Variants in ZNF676 observed in about 807,000 individuals in gnomAD.
ZNF676 encodes the protein zinc finger protein 676.
Under a neutral mutation model 6.0 loss-of-function variants are expected in ZNF676, and 4 were observed. The ratio of observed to expected loss-of-function variants is 0.67; its 90% CI spans 0.33 to 1.53. The LOEUF (loss-of-function observed/expected upper bound fraction) is 1.53, where lower values mean the gene tolerates loss of function less well. Among genes scored for constraint, ZNF676 ranks in the 40% most tolerant of loss-of-function variants. The pLI, the probability that ZNF676 is intolerant of heterozygous loss-of-function variation, is 0.06. For synonymous variants in ZNF676, 198 were observed against 223.1 expected (o/e 0.89, Z 1.00); for missense variants, 644 against 679.7 (o/e 0.95, Z 0.58).
At chr19:22,197,998 T>C (rs113695641), upstream of ZNF676, among the ~76,000 whole-genome samples, 810 of 152,308 alleles carry the variant, frequency 5.3e-3, 5 homozygotes, top group African/African-American at 0.018. Flanking sequence ...TTAGTAGTGA[T>C]TTTAAATAGT....
rs1365476506 is a variant in ZNF676 at position 22,180,635 on chromosome 19, C to A, written c.1082G>T (p.Gly361Val). ...ILTKHKIIHTGEKPYKCEGCG... is the reference protein window; with the variant it reads ...ILTKHKIIHTVEKPYKCEGCG... ...TCCTTCACATTTGTAGGGTTTCTCT[C>A]CAGTATGAATAATCTTATGTTTAGT... is the stretch of plus-strand genomic sequence containing the variant. The change falls in exon 3 of 3, where the codon GGA becomes GTA. Residue 361 changes from glycine to valine, a missense_variant. Coordinates refer to ENST00000397121, the MANE Select transcript of ZNF676 (RefSeq NM_001001411.3). 1.2e-6 allele frequency: 2 copies of A among 1,612,502 alleles called. No homozygotes were observed. The highest frequency in any genetic ancestry group is 1.7e-6 in the Non-Finnish European group (2 of 1,179,482).
chr19:22,226,603 T>TC, the ZNF676 span, among the ~76,000 whole-genome samples: 641 of 151,212 alleles, frequency 4.2e-3, 4 homozygotes, highest in African/African-American at 0.015. Flanking sequence ...TCTTGCTTTT[T>TC]TTTTTTCCTT....
chr19:22,179,768 C>A lies in ZNF676; in HGVS notation c.*182G>T. On this transcript the variant is annotated 3_prime_UTR_variant, in exon 3 of 3. Transcript: ENST00000397121. ...TTTGAGGACCGGTTGAAGCCTTTGTCACATTCTTCACGTTTGTAGTGTTTC... is the reference window on the plus strand; with the variant it reads ...TTTGAGGACCGGTTGAAGCCTTTGTAACATTCTTCACGTTTGTAGTGTTTC... 1.2e-6 allele frequency: 1 copy of A among 822,898 alleles called. No individual in the cohort carries two copies. The highest frequency in any genetic ancestry group is 1.5e-5 in the South Asian group (1 of 67,856). The allele number at this position is 822,898 out of a possible 1,614,324, so 51.0% of individuals were successfully genotyped here.
chr19:22,255,860 CAAA>C, the ZNF676 span, among the ~76,000 whole-genome samples: 4 of 107,478 alleles, frequency 3.7e-5, no homozygotes, highest in Non-Finnish European at 2.1e-5. Context: ...GACTCCATCT[CAAA>C]AAAAAAAAAA....
chr19:22,236,463 A>G, the ZNF676 span, among the ~76,000 whole-genome samples: 389 of 152,250 alleles, frequency 2.6e-3, no homozygotes, highest in African/African-American at 9.1e-3. Context: ...CCAGTGTTTA[A>G]TAGTCCCCAA....
Position 22,189,711 on chromosome 19 carries a change from G to T in ZNF676, c.130+3305C>A, listed in dbSNP as rs530802388. 7.2e-5 allele frequency among the ~76,000 whole-genome samples: 11 copies of T among 152,148 alleles called. No individual in the cohort carries two copies. The South Asian group carries it at 2.3e-3, about 32-fold the overall frequency. ...ACAACCCCATCAAAAATTGGGCAAA[G>T]GATATGAACAGACACTTCTCAAAAG... On this transcript the variant is annotated intron_variant, in intron 2 of 2. Transcript: ENST00000397121.
intron 1 of ZNF676, among the ~76,000 whole-genome samples, chr19:22,205,415 A>T (rs147364962): frequency 2.1e-4 from 32 of 152,260 alleles, no homozygotes; most frequent in African/African-American, 7.0e-4. Flanking sequence ...GAAAAAAAAC[A>T]ATTCTCAGCA....
the ZNF676 span, among the ~76,000 whole-genome samples, chr19:22,223,622 T>C: frequency 6.6e-6 from 1 of 152,004 alleles, no homozygotes; most frequent in South Asian, 2.1e-4. Flanking sequence ...TTTAGGATAA[T>C]ATGTTAGAAT....
intron 1 of ZNF676, among the ~76,000 whole-genome samples, chr19:22,208,075 C>T (rs1237522185): frequency 6.7e-6 from 1 of 149,540 alleles, no homozygotes; most frequent in Non-Finnish European, 1.5e-5. Context: ...ATATCAAAAG[C>T]AATTGCAAAA....
Position 22,180,700 on chromosome 19 carries a change from A to G in ZNF676, c.1017T>C (p.Cys339=). ...GATTAAAAGCTTTCCCGCATTCTTC[A>G]CATTTGTAGGGTTTCTCTCCAGCAT... ...RIHAGEKPYK[C]EECGKAFNRS... Residue 339 remains cysteine (C), a synonymous_variant, in exon 3 of 3, where the codon TGT becomes TGC. Coordinates refer to ENST00000397121, the MANE Select transcript of ZNF676 (RefSeq NM_001001411.3). The G allele has an allele frequency of 6.2e-7, 1 of 1,611,682 alleles. No homozygotes were observed. Among genetic ancestry groups the G allele is most frequent in the Non-Finnish European group, 8.5e-7 (1 of 1,179,204 alleles).
intron 1 of ZNF676, among the ~76,000 whole-genome samples, chr19:22,207,321 C>T (rs1353209478): frequency 1.3e-5 from 2 of 152,146 alleles, no homozygotes; most frequent in South Asian, 2.1e-4. Context: ...AAATCCGAAT[C>T]GAAAACACAA....
At position 22,181,164 on chromosome 19, in the gene ZNF676, T is replaced by G; in HGVS notation, c.553A>C (p.Thr185Pro). The G allele has an allele frequency of 6.2e-7, 1 of 1,614,014 alleles. No homozygotes were observed. The highest frequency in any genetic ancestry group is 8.5e-7 in the Non-Finnish European group (1 of 1,179,956). ...CCAGTATGAATACTCTTATAATAAG[T>G]AAGGGTTGAGGACCAGTTAAAAGCT... ...GKAFNWSSTLTYYKSIHTGEK... is the reference protein window; with the variant it reads ...GKAFNWSSTLPYYKSIHTGEK... Residue 185 changes from threonine (T) to proline (P), a missense_variant, in exon 3 of 3, where the codon ACT (threonine) becomes CCT (proline). Coordinates refer to ENST00000397121, the MANE Select transcript of ZNF676 (RefSeq NM_001001411.3).
chr19:22,190,649 A>ATTTTATTATATATACATAGAATTCTATG (rs2023893636), intron 2 of ZNF676, among the ~76,000 whole-genome samples: 1 of 128,648 alleles, frequency 7.8e-6, no homozygotes, highest in African/African-American at 3.8e-5. Flanking sequence ...ATATATATAT[A>ATTTTATTATATATACATAGAATTCTATG]TATATATATA....
the ZNF676 span, among the ~76,000 whole-genome samples, chr19:22,226,804 G>A: frequency 6.6e-6 from 1 of 151,906 alleles, no homozygotes; most frequent in African/African-American, 2.4e-5. Context: ...TCACCATGTT[G>A]GTCTGGCTGG....
chr19:22,254,077 T>A, the ZNF676 span, among the ~76,000 whole-genome samples: 1 of 152,202 alleles, frequency 6.6e-6, no homozygotes, highest in African/African-American at 2.4e-5. Context: ...GGGTAGGAAG[T>A]GAGCAGCAGA....
At chr19:22,209,487 T>C (rs557479969) in intron 1 of ZNF676, among the ~76,000 whole-genome samples, 1 of 151,944 alleles carries the variant, frequency 6.6e-6, no homozygotes, top group Admixed American at 6.6e-5. Flanking sequence ...AAAAAGACAC[T>C]GAGGCCTAGT....
At chr19:22,220,650 T>G (rs2144854790), upstream of ZNF676, among the ~76,000 whole-genome samples, 1 of 152,096 alleles carries the variant, frequency 6.6e-6, no homozygotes, top group South Asian at 2.1e-4. Context: ...AGAGATGGGG[T>G]TTTGCCATGT....
At chr19:22,192,243 ATC>A (rs2023917317) in intron 2 of ZNF676, among the ~76,000 whole-genome samples, 1 of 152,176 alleles carries the variant, frequency 6.6e-6, no homozygotes, top group African/African-American at 2.4e-5. Context: ...AATAATAAAT[ATC>A]TGAGAACAAA....
upstream of ZNF676, among the ~76,000 whole-genome samples, chr19:22,215,829 T>G (rs558368599): frequency 1.2e-4 from 18 of 148,874 alleles, no homozygotes; most frequent in African/African-American, 2.9e-4. Flanking sequence ...TGATTGGACA[T>G]TCCCAGCCCA....
Sources: allele counts gnomAD v4.1 joint callset (sites outside exome capture counted in the v4.1 genomes callset), GRCh38; gene constraint gnomAD v4.1.1; transcripts MANE v1.5; gene names NCBI Gene and HGNC (gene_info 2026-07-23, HGNC 2026-07-21).